STAG1: variants seen among roughly 807,000 people sequenced by gnomAD.
STAG1 encodes the protein STAG1 cohesin complex component.
A neutral mutation model predicts 170.9 loss-of-function variants in STAG1; 26 were observed. That is an observed-to-expected ratio of 0.15 (90% CI 0.11 to 0.21). The LOEUF (loss-of-function observed/expected upper bound fraction) is 0.21, where lower values mean the gene tolerates loss of function less well. Ranked by LOEUF, STAG1 falls within the 10% of genes least tolerant of loss-of-function variation. The probability of loss-of-function intolerance (pLI) is 1.00; values close to 1 mark genes in which losing one functional copy is unlikely to be tolerated. For synonymous variants in STAG1, 514 were observed against 497.7 expected (o/e 1.03, Z -0.44); for missense variants, 964 against 1,509.5 (o/e 0.64, Z 5.99).
At chr3:136,679,428 C>G (rs1942256157) in intron 1 of STAG1, among the ~76,000 whole-genome samples, 2 of 151,762 alleles carry the variant, frequency 1.3e-5, no homozygotes, top group African/African-American at 4.8e-5. Context: ...AAAAAAAATA[C>G]AAAAATTAGC....
chr3:136,614,751 C>A (rs1157106366), intron 3 of STAG1, among the ~76,000 whole-genome samples: 1 of 151,966 alleles, frequency 6.6e-6, no homozygotes, highest in African/African-American at 2.4e-5. Flanking sequence ...GGTTAAGTTG[C>A]AGTATGAATG....
At chr3:136,397,599 G>A (rs2087203606) in intron 22 of STAG1, among the ~76,000 whole-genome samples, 1 of 151,916 alleles carries the variant, frequency 6.6e-6, no homozygotes. Context: ...TAATCCCCCA[G>A]CCCCTGAAGG....
At chr3:136,679,118 T>C (rs1181784074) in intron 1 of STAG1, among the ~76,000 whole-genome samples, 3 of 152,052 alleles carry the variant, frequency 2.0e-5, no homozygotes, top group Admixed American at 1.3e-4. Flanking sequence ...GCTGGCAAAC[T>C]TAAAAAGTTA....
chr3:136,642,092 A>G (rs1940823259), intron 1 of STAG1, among the ~76,000 whole-genome samples: 1 of 152,086 alleles, frequency 6.6e-6, no homozygotes, highest in African/African-American at 2.4e-5. Flanking sequence ...AAAGCTTGGC[A>G]TTAGTGCTAT....
chr3:136,633,319 A>G (rs956834697), intron 1 of STAG1, among the ~76,000 whole-genome samples: 1 of 152,134 alleles, frequency 6.6e-6, no homozygotes, highest in Non-Finnish European at 1.5e-5. Context: ...CTATATAACC[A>G]GTAAAACTAT....
At chr3:136,651,401 T>C (rs952437541) in intron 1 of STAG1, among the ~76,000 whole-genome samples, 2 of 146,796 alleles carry the variant, frequency 1.4e-5, no homozygotes, top group African/African-American at 5.1e-5. Context: ...AAAAGAATCA[T>C]GTAAAGTAGA....
intron 5 of STAG1, among the ~76,000 whole-genome samples, chr3:136,543,991 T>C (rs919019258): frequency 6.6e-6 from 1 of 152,138 alleles, no homozygotes; most frequent in Non-Finnish European, 1.5e-5. Context: ...TTCCTACGTA[T>C]GCACAGATTC....
chr3:136,707,789 T>C (rs1489949182), intron 1 of STAG1, among the ~76,000 whole-genome samples: 3 of 152,140 alleles, frequency 2.0e-5, no homozygotes, highest in African/African-American at 7.2e-5. Flanking sequence ...ATACAGTCTC[T>C]AGAAAGCAAG....
chr3:136,462,591 G>C (rs1316496133), intron 13 of STAG1, among the ~76,000 whole-genome samples: 1 of 152,156 alleles, frequency 6.6e-6, no homozygotes, highest in East Asian at 1.9e-4. Context: ...ATAAGTTTTA[G>C]TGTTTGATAC....
chr3:136,354,617 G>C (rs1425507750), intron 28 of STAG1, among the ~76,000 whole-genome samples: 2 of 151,450 alleles, frequency 1.3e-5, no homozygotes, highest in Non-Finnish European at 2.9e-5. Context: ...ATTTTGATAA[G>C]ATGTATACTG....
At chr3:136,370,822 C>T (rs1319836948) in intron 23 of STAG1, among the ~76,000 whole-genome samples, 6 of 152,176 alleles carry the variant, frequency 3.9e-5, no homozygotes, top group Non-Finnish European at 7.3e-5. Flanking sequence ...AATAAACATA[C>T]GTGTGCGTGT....
chr3:136,463,714 T>TAA lies in STAG1; in HGVS notation c.1313+1165_1313+1166dup, dbSNP rs530519093. 3.1e-3 allele frequency among the ~76,000 whole-genome samples: 397 copies of TAA among 126,138 alleles called. 5 individuals carry two copies. In the East Asian group the frequency reaches 0.049, roughly 16 times the overall value. The allele number at this position is 126,138 out of a possible 152,430, so 82.8% of individuals were successfully genotyped here. On this transcript the variant is annotated intron_variant, in intron 13 of 33. Transcript: ENST00000383202. Reference sequence around the variant, plus strand: ...GCAAGACAGCAAGACCCCATCTCTCTAAAAAAAAAAAAATGTGTATATGTG... The same window carrying TAA: ...GCAAGACAGCAAGACCCCATCTCTCTAAAAAAAAAAAAAAATGTGTATATGTG...
At chr3:136,599,358 C>G (rs1482559626) in intron 4 of STAG1, among the ~76,000 whole-genome samples, 2 of 151,902 alleles carry the variant, frequency 1.3e-5, no homozygotes, top group East Asian at 3.9e-4. Flanking sequence ...TGGCAAAACC[C>G]TGTATCTACT....
At chr3:136,684,567 T>C (rs1447901086) in intron 1 of STAG1, among the ~76,000 whole-genome samples, 1 of 152,010 alleles carries the variant, frequency 6.6e-6, no homozygotes, top group African/African-American at 2.4e-5. Flanking sequence ...CTGGTCAACA[T>C]GGTGAAACCC....
At chr3:136,608,935 G>C (rs1168662401) in intron 3 of STAG1, 2 of 151,790 alleles carry the variant, frequency 1.3e-5, no homozygotes, top group East Asian at 3.9e-4. Flanking sequence ...GTCACTCTTT[G>C]AGCGGGTATC....
intron 22 of STAG1, among the ~76,000 whole-genome samples, chr3:136,379,541 T>A (rs1000615537): frequency 6.6e-6 from 1 of 152,118 alleles, no homozygotes; most frequent in Non-Finnish European, 1.5e-5. Context: ...AAACCCCGTC[T>A]CTATTAAAAA....
intron 12 of STAG1, among the ~76,000 whole-genome samples, chr3:136,471,612 G>T (rs1239032042): frequency 6.6e-6 from 1 of 152,124 alleles, no homozygotes; most frequent in African/African-American, 2.4e-5. Flanking sequence ...AGGAGGATTT[G>T]TTATGTATGA....
Position 136,720,330 on chromosome 3 carries a change from T to C in STAG1, c.-84+31865A>G, listed in dbSNP as rs973254214. Among the ~76,000 whole-genome samples, 20 of 152,146 alleles carry C rather than the reference T, an allele frequency of 1.3e-4. 1 individual carries two copies. Among genetic ancestry groups the C allele is most frequent in the East Asian group, 1.9e-4 (1 of 5,200 alleles). On this transcript the variant is annotated intron_variant, in intron 1 of 33. Transcript: ENST00000383202. ...AGAACCCAGATCTTGTAAATGATTA[T>C]ATCAAGCTGAAACCAAATTAACTCA...
chr3:136,462,317 T>C (rs1015575218), intron 13 of STAG1, among the ~76,000 whole-genome samples: 2 of 152,130 alleles, frequency 1.3e-5, no homozygotes, highest in Admixed American at 1.3e-4. Context: ...TTTGAATGGA[T>C]AAACAAATGT....
Sources: gnomAD v4.1 joint callset for allele counts (sites outside exome capture counted in the v4.1 genomes callset) on GRCh38, gnomAD v4.1.1 for gene constraint, MANE v1.5 for transcripts, NCBI Gene and HGNC (gene_info 2026-07-23, HGNC 2026-07-21) for gene names.